The following NIPBL variants were observed in gnomAD, a reference collection of about 807,000 sequenced individuals.
NIPBL encodes the protein NIPBL cohesin loading factor.
NIPBL carries 19 observed loss-of-function variants against 321.8 expected under a neutral mutation model. That is an observed-to-expected ratio of 0.06 (90% CI 0.04 to 0.09). The LOEUF (loss-of-function observed/expected upper bound fraction) is 0.09. Among genes scored for constraint, NIPBL ranks in the 10% least tolerant of loss-of-function variants. NIPBL has a pLI of 1.00. For missense variants in NIPBL, 2,210 were observed against 3,327.0 expected, an observed-to-expected ratio of 0.66 and a Z score of 8.26; for synonymous variants, 1,106 against 1,114.1, an observed-to-expected ratio of 0.99 and a Z score of 0.14.
Position 37,024,739 on chromosome 5 carries a change from A to T in NIPBL, c.5709+20A>T. 6.3e-7 allele frequency: 1 copy of T among 1,595,118 alleles called. No individual in the cohort carries two copies. The highest frequency in any genetic ancestry group is 8.6e-7 in the Non-Finnish European group (1 of 1,167,964). On this transcript the variant is annotated intron_variant, in intron 30 of 46. Coordinates refer to ENST00000282516, the MANE Select transcript of NIPBL (RefSeq NM_133433.4). ...ATTAAGGTAGTGTTGACTGTTTTAAATTTATTTTTCATTAATGTTTAAAAT... is the reference window on the plus strand; with the variant it reads ...ATTAAGGTAGTGTTGACTGTTTTAATTTTATTTTTCATTAATGTTTAAAAT...
intron 1 of NIPBL, among the ~76,000 whole-genome samples, chr5:36,904,031 T>C (rs1747434769): frequency 6.6e-6 from 1 of 152,192 alleles, no homozygotes; most frequent in South Asian, 2.1e-4. Context: ...TATGTGCTCT[T>C]ACACATACCA....
intron 6 of NIPBL, among the ~76,000 whole-genome samples, chr5:36,965,221 C>T (rs768390395): frequency 1.3e-5 from 2 of 151,970 alleles, no homozygotes; most frequent in Non-Finnish European, 2.9e-5. Context: ...AAGAGATGCA[C>T]GCCCATGTTT....
chr5:36,929,571 G>A (rs1490963393), intron 1 of NIPBL, among the ~76,000 whole-genome samples: 1 of 151,948 alleles, frequency 6.6e-6, no homozygotes, highest in Non-Finnish European at 1.5e-5. Context: ...ATGAAATCCA[G>A]TTTATCAGTT....
In NIPBL at chr5:37,018,544, T is replaced by C. The variant is rs150116950; in HGVS notation, c.4921-767T>C. On this transcript the variant is annotated intron_variant, in intron 24 of 46. Transcript: ENST00000282516. The stretch of plus-strand genomic sequence containing the variant: ...GATCAGTTGTTTCTCCTAGGAATCT[T>C]GGTTCCTTTTGTTGGTGAATTGTAA... Among the ~76,000 whole-genome samples, 1,236 of 152,294 alleles carry C rather than the reference T, an allele frequency of 8.1e-3. 12 individuals are homozygous for C. The highest frequency in any genetic ancestry group is 0.028 in the African/African-American group (1,175 of 41,558).
At chr5:36,952,279 A>G (rs937805808) in intron 1 of NIPBL, among the ~76,000 whole-genome samples, 11 of 152,256 alleles carry the variant, frequency 7.2e-5, no homozygotes, top group African/African-American at 2.2e-4. Flanking sequence ...TTACAACTCA[A>G]AAACTTAAGA....
At chr5:36,950,036 G>A (rs1740096692) in intron 1 of NIPBL, among the ~76,000 whole-genome samples, 1 of 151,856 alleles carries the variant, frequency 6.6e-6, no homozygotes, top group Admixed American at 6.6e-5. Flanking sequence ...ATTTCTCAAT[G>A]TATTTTGTTC....
intron 1 of NIPBL, among the ~76,000 whole-genome samples, chr5:36,927,850 A>T (rs1749481790): frequency 6.6e-6 from 1 of 152,142 alleles, no homozygotes. Context: ...GAAATCACCA[A>T]GGGAGAATAA....
intron 34 of NIPBL, among the ~76,000 whole-genome samples, chr5:37,041,570 CT>C (rs559689159): frequency 1.5e-5 from 2 of 134,710 alleles, no homozygotes; most frequent in African/African-American, 2.8e-5. Context: ...CGGCCTATTT[CT>C]TTTTTTTTTA....
At chr5:36,903,951 T>C (rs1304701559) in intron 1 of NIPBL, among the ~76,000 whole-genome samples, 1 of 152,174 alleles carries the variant, frequency 6.6e-6, no homozygotes, top group African/African-American at 2.4e-5. Flanking sequence ...AGAATTTGAA[T>C]ATAGAAATAT....
At chr5:36,946,411 T>C (rs1739678558) in intron 1 of NIPBL, among the ~76,000 whole-genome samples, 1 of 152,116 alleles carries the variant, frequency 6.6e-6, no homozygotes, top group Admixed American at 6.6e-5. Flanking sequence ...TTTCCTCCCT[T>C]AAACATGTGG....
chr5:36,989,021 A>G (rs918494908), intron 10 of NIPBL, among the ~76,000 whole-genome samples: 3 of 152,210 alleles, frequency 2.0e-5, no homozygotes, highest in Non-Finnish European at 4.4e-5. Flanking sequence ...TACTTCATAC[A>G]TAATAAATCA....
chr5:37,016,318 T>G (rs1748987050), intron 23 of NIPBL, 148 bp downstream of exon 23: 1 of 856,570 alleles, frequency 1.2e-6, no homozygotes. Context: ...CTGTACACAA[T>G]ATTGTCAGTA....
intron 19 of NIPBL, 27 bp from the exon 20 acceptor site, chr5:37,008,596 A>C (rs1295349544): frequency 8.9e-7 from 1 of 1,123,134 alleles, no homozygotes; most frequent in Non-Finnish European, 1.4e-6. Flanking sequence ...TATAAGTTTA[A>C]CTTGGAATCT....
Position 37,000,990 on chromosome 5 carries a change from A to G in NIPBL, c.3576A>G (p.Glu1192=). The G allele has an allele frequency of 6.2e-7, 1 of 1,609,698 alleles. No individual in the cohort carries two copies. Among genetic ancestry groups the G allele is most frequent in the Non-Finnish European group, 8.5e-7 (1 of 1,176,370 alleles). The stretch of plus-strand genomic sequence containing the variant: ...TGAATATATTTTTCTCTCTTGCAGA[A>G]ATGATGGACTCTTCAACTTTTAAGA... The part of the protein sequence containing the change: ...KAYEPKLTPE[E]MMDSSTFKRF... Residue 1192 remains glutamate (E), a splice_region_variant and synonymous_variant, in exon 14 of 47, where the codon GAA becomes GAG. Transcript: ENST00000282516.
rs181189338 is a variant in NIPBL, at chr5:36,973,350, A to T, written c.868+1309A>T. On this transcript the variant is annotated intron_variant, in intron 8 of 46. Coordinates refer to ENST00000282516, the MANE Select transcript of NIPBL (RefSeq NM_133433.4). ...TTTTTTTTTTCAAAAATTTTTTAAAAATTTTATTTTATTTTACTTTAAGTT... is the reference window on the plus strand; with the variant it reads ...TTTTTTTTTTCAAAAATTTTTTAAATATTTTATTTTATTTTACTTTAAGTT... Among the ~76,000 whole-genome samples the T allele has an allele frequency of 4.4e-3, 665 of 151,910 alleles. 4 individuals are homozygous for T. Among genetic ancestry groups the T allele is most frequent in the African/African-American group, 0.015 (641 of 41,446 alleles).
intron 9 of NIPBL, among the ~76,000 whole-genome samples, chr5:36,978,757 A>T (rs1025787380): frequency 3.3e-5 from 5 of 151,946 alleles, no homozygotes; most frequent in African/African-American, 7.2e-5. Flanking sequence ...TCTTGAGTTA[A>T]TTTTTGTATA....
chr5:36,980,733 G>A (rs1744046568), intron 9 of NIPBL, among the ~76,000 whole-genome samples: 1 of 151,616 alleles, frequency 6.6e-6, no homozygotes, highest in Non-Finnish European at 1.5e-5. Flanking sequence ...TCCTAACAAT[G>A]CATTTCGCAG....
At chr5:37,027,084 T>C (rs1438421979) in intron 31 of NIPBL, among the ~76,000 whole-genome samples, 2 of 152,210 alleles carry the variant, frequency 1.3e-5, no homozygotes, top group African/African-American at 4.8e-5. Flanking sequence ...GTTCAAGTTA[T>C]TGTGCCATTT....
chr5:37,054,041 T>C lies in NIPBL; in HGVS notation c.7263+1475T>C, dbSNP rs937265120. 3.3e-5 allele frequency among the ~76,000 whole-genome samples: 5 copies of C among 151,478 alleles called. No individual in the cohort carries two copies. In the South Asian group the frequency reaches 1.0e-3, roughly 32 times the overall value. Reference sequence around the variant, plus strand: ...TGAAACCCCATCTCTACTAAAAATATAAAAATTAGCCGGGCGTGGTGGCAC... The same window carrying C: ...TGAAACCCCATCTCTACTAAAAATACAAAAATTAGCCGGGCGTGGTGGCAC... On this transcript the variant is annotated intron_variant, in intron 42 of 46. Transcript: ENST00000282516.
Sources: allele counts gnomAD v4.1 joint callset (sites outside exome capture counted in the v4.1 genomes callset), GRCh38; gene constraint gnomAD v4.1.1; transcripts MANE v1.5; gene names NCBI Gene and HGNC (gene_info 2026-07-23, HGNC 2026-07-21).